The following COL4A3 variants were observed in gnomAD, a reference collection of about 807,000 sequenced individuals.
COL4A3 encodes the protein collagen type IV alpha 3 chain.
Under a neutral mutation model 217.4 loss-of-function variants are expected in COL4A3, and 135 were observed. The ratio of observed to expected loss-of-function variants is 0.62; its 90% CI spans 0.54 to 0.72. COL4A3 has a LOEUF of 0.72. Ranked by LOEUF, COL4A3 falls within the 30% of genes least tolerant of loss-of-function variation. The pLI, the probability that COL4A3 is intolerant of heterozygous loss-of-function variation, is 0.00. For missense variants in COL4A3, 1,868 were observed against 2,119.9 expected (o/e 0.88, Z 2.33); for synonymous variants, 690 against 736.3 (o/e 0.94, Z 1.02).
At chr2:227,206,660 GCC>G (rs11296554) in intron 1 of COL4A3, among the ~76,000 whole-genome samples, 13 of 152,024 alleles carry the variant, frequency 8.6e-5, no homozygotes, top group Non-Finnish European at 1.8e-4. Flanking sequence ...CTCAAGCCCT[GCC>G]CCAGACCTAA....
intron 1 of COL4A3, among the ~76,000 whole-genome samples, chr2:227,195,717 G>GA (rs2066448476): frequency 7.1e-6 from 1 of 141,148 alleles, no homozygotes; most frequent in South Asian, 2.3e-4. Flanking sequence ...GTATGCTGTA[G>GA]AACAGCCTCA....
At chr2:227,223,375 A>G (rs1227222832) in intron 1 of COL4A3, among the ~76,000 whole-genome samples, 1 of 152,224 alleles carries the variant, frequency 6.6e-6, no homozygotes, top group Non-Finnish European at 1.5e-5. Flanking sequence ...TGATACTATC[A>G]AGGAAGTGTG....
At chr2:227,211,869 G>A (rs2067336917) in intron 1 of COL4A3, among the ~76,000 whole-genome samples, 1 of 152,046 alleles carries the variant, frequency 6.6e-6, no homozygotes, top group African/African-American at 2.4e-5. Flanking sequence ...TGTTGACCAG[G>A]CTGGTCTTGA....
intron 1 of COL4A3, among the ~76,000 whole-genome samples, chr2:227,220,180 C>CTT (rs534893588): frequency 0.023 from 1,935 of 82,958 alleles, 180 homozygotes; most frequent in East Asian, 0.078. Flanking sequence ...GAGACAAAGC[C>CTT]TTTTTTTTTT....
intron 41 of COL4A3, 23 bp downstream of exon 41, chr2:227,295,339 C>G: frequency 6.2e-7 from 1 of 1,609,478 alleles, no homozygotes; most frequent in Non-Finnish European, 8.5e-7. Context: ...TCTTCCCTGT[C>G]CTAATGTACA....
intron 26 of COL4A3, among the ~76,000 whole-genome samples, chr2:227,273,955 G>C (rs529551405): frequency 1.3e-5 from 2 of 152,160 alleles, no homozygotes; most frequent in African/African-American, 4.8e-5. Flanking sequence ...AATCACCTTA[G>C]GCTGGGCACA....
At chr2:227,227,186 A>G (rs1234486279) in intron 1 of COL4A3, among the ~76,000 whole-genome samples, 1 of 152,150 alleles carries the variant, frequency 6.6e-6, no homozygotes, top group Non-Finnish European at 1.5e-5. Context: ...ATGAGCTACT[A>G]TGTTATGTTT....
intron 1 of COL4A3, among the ~76,000 whole-genome samples, chr2:227,193,676 C>T (rs1010062330): frequency 1.2e-4 from 18 of 148,296 alleles, no homozygotes; most frequent in African/African-American, 4.2e-4. Context: ...TGCACCAGTG[C>T]ACTCCAGCCT....
chr2:227,194,549 A>C (rs1402690284), intron 1 of COL4A3, among the ~76,000 whole-genome samples: 1 of 152,222 alleles, frequency 6.6e-6, no homozygotes, highest in Admixed American at 6.5e-5. Context: ...CCTCATGGTC[A>C]GCCCCTTAAG....
intron 1 of COL4A3, among the ~76,000 whole-genome samples, chr2:227,200,517 G>A (rs6711851): frequency 6.6e-6 from 1 of 152,116 alleles, no homozygotes; most frequent in Non-Finnish European, 1.5e-5. Context: ...GCATATAGAT[G>A]TAATAGTTGC....
At chr2:227,297,935 A>G in intron 42 of COL4A3, 76 bp downstream of exon 42, 1 of 1,447,182 alleles carries the variant, frequency 6.9e-7, no homozygotes, top group Admixed American at 2.0e-5. Context: ...CCTCCTCCTC[A>G]TGTTACCTTG....
At chr2:227,228,183 T>G (rs4263106) in intron 1 of COL4A3, among the ~76,000 whole-genome samples, 127,897 of 152,192 alleles carry the variant, frequency 0.84, 53,916 homozygotes, top group South Asian at 0.89. Flanking sequence ...TGAGATTTCT[T>G]TGATGTCCAA....
chr2:227,245,580 G>C, intron 5 of COL4A3: 1 of 344,116 alleles, frequency 2.9e-6, no homozygotes, highest in East Asian at 7.1e-5. Flanking sequence ...GGATAGGATA[G>C]GGTAGAATGA....
At chr2:227,307,004 A>AGCT (rs1242240726) in intron 47 of COL4A3, among the ~76,000 whole-genome samples, 1 of 152,226 alleles carries the variant, frequency 6.6e-6, no homozygotes, top group Non-Finnish European at 1.5e-5. Flanking sequence ...AAGAGAGGAT[A>AGCT]GCTCACTGGT....
rs184896175 is a variant in COL4A3, at chr2:227,273,172, T to C, written c.1927+55T>C. The C allele has an allele frequency of 8.9e-5, 142 of 1,589,576 alleles. No individual in the cohort carries two copies. In the African/African-American group the frequency reaches 1.6e-3, roughly 17 times the overall value. Reference sequence around the variant, plus strand: ...TCCGATGGAGTGGGTTGATGGTTTCTAGAGCTAACGAAGCTTCTCCAAGAC... The same window carrying C: ...TCCGATGGAGTGGGTTGATGGTTTCCAGAGCTAACGAAGCTTCTCCAAGAC... On this transcript the variant is annotated intron_variant, in intron 26 of 51. Coordinates refer to ENST00000396578, the MANE Select transcript of COL4A3 (RefSeq NM_000091.5).
At chr2:227,288,951 G>GGT (rs2072507182) in intron 34 of COL4A3, among the ~76,000 whole-genome samples, 199 bp from the exon 35 acceptor site, 1 of 133,384 alleles carries the variant, frequency 7.5e-6, no homozygotes, top group African/African-American at 2.8e-5. Context: ...TTTGTTTTGG[G>GGT]TTTTTTTTTT....
chr2:227,189,101 G>A (rs1361440510), intron 1 of COL4A3, among the ~76,000 whole-genome samples: 1 of 152,138 alleles, frequency 6.6e-6, no homozygotes, highest in Non-Finnish European at 1.5e-5. Flanking sequence ...GAGCACCAGA[G>A]AGAAGGTGAG....
Position 227,213,429 on chromosome 2 carries a change from T to C in COL4A3, c.88-24539T>C, listed in dbSNP as rs149194259. On this transcript the variant is annotated intron_variant, in intron 1 of 51. Coordinates refer to ENST00000396578, the MANE Select transcript of COL4A3 (RefSeq NM_000091.5). ...GGTCCTCAATTATTCTAGCAATTGT[T>C]CCCCTAGAAAGACCAATATTCCTTT... is the stretch of plus-strand genomic sequence containing the variant. Among the ~76,000 whole-genome samples, 783 of 152,164 alleles carry C rather than the reference T, an allele frequency of 5.1e-3. 9 individuals carry two copies. The highest frequency in any genetic ancestry group is 0.018 in the African/African-American group (751 of 41,512).
At chr2:227,294,400 T>C (rs1056653899) in intron 38 of COL4A3, 90 bp from the exon 39 acceptor site, 11 of 905,144 alleles carry the variant, frequency 1.2e-5, no homozygotes, top group East Asian at 4.8e-5. Flanking sequence ...GTGAGCATGG[T>C]TGACTATAAA....
Sources: allele counts gnomAD v4.1 joint callset (sites outside exome capture counted in the v4.1 genomes callset), GRCh38; gene constraint gnomAD v4.1.1; transcripts MANE v1.5; gene names NCBI Gene and HGNC (gene_info 2026-07-23, HGNC 2026-07-21).